The following TLN2 variants were observed in gnomAD, a reference collection of about 807,000 sequenced individuals.
The protein encoded by TLN2 is talin-2.
Under a neutral mutation model 294.7 loss-of-function variants are expected in TLN2, and 118 were observed. The ratio of observed to expected loss-of-function variants is 0.40; its 90% CI spans 0.34 to 0.47. TLN2 has a LOEUF of 0.47. Ranked by LOEUF, TLN2 falls within the 20% of genes least tolerant of loss-of-function variation. The probability of loss-of-function intolerance (pLI) is 0.84; values close to 1 mark genes in which losing one functional copy is unlikely to be tolerated. For missense variants in TLN2, 3,083 were observed against 3,282.2 expected, an observed-to-expected ratio of 0.94 and a Z score of 1.48; for synonymous variants, 1,431 against 1,304.5, an observed-to-expected ratio of 1.10 and a Z score of -2.09.
chr15:62,692,342 G>A (rs781348473), intron 12 of TLN2, among the ~76,000 whole-genome samples: 1 of 152,196 alleles, frequency 6.6e-6, no homozygotes, highest in Non-Finnish European at 1.5e-5. Flanking sequence ...CCATCCACCT[G>A]CCTGGGTTGT....
chr15:62,547,873 T>A (rs886830425), intron 1 of TLN2, among the ~76,000 whole-genome samples: 6 of 148,650 alleles, frequency 4.0e-5, no homozygotes, highest in African/African-American at 1.6e-4. Flanking sequence ...CCTCTGAAAT[T>A]GCTGTCTATC....
At chr15:62,442,922 A>AAGG (rs2035627803) in intron 1 of TLN2, among the ~76,000 whole-genome samples, 1 of 152,030 alleles carries the variant, frequency 6.6e-6, no homozygotes, top group African/African-American at 2.4e-5. Context: ...TTCTTGGCCT[A>AAGG]GTGGTCCTAT....
intron 1 of TLN2, among the ~76,000 whole-genome samples, chr15:62,469,277 A>G (rs2037332075): frequency 6.6e-6 from 1 of 152,202 alleles, no homozygotes; most frequent in Non-Finnish European, 1.5e-5. Context: ...GAGCAGATGC[A>G]TTTTCTGACC....
intron 1 of TLN2, among the ~76,000 whole-genome samples, chr15:62,512,656 A>G (rs939392444): frequency 2.0e-5 from 3 of 152,216 alleles, no homozygotes; most frequent in Non-Finnish European, 4.4e-5. Flanking sequence ...TTTGACAGAC[A>G]TAGAGCCAAC....
At chr15:62,833,742 C>A in intron 55 of TLN2, 113 bp downstream of exon 55, 1 of 1,421,982 alleles carries the variant, frequency 7.0e-7, no homozygotes, top group Non-Finnish European at 9.3e-7. Context: ...GCAGTGCCTT[C>A]CCTCCCTGAA....
chr15:62,592,802 T>C (rs1386464465), intron 2 of TLN2, among the ~76,000 whole-genome samples: 1 of 152,232 alleles, frequency 6.6e-6, no homozygotes, highest in Admixed American at 6.5e-5. Context: ...AACATGATGC[T>C]TTAAAGAGTT....
rs551207386 is a variant in TLN2 at position 62,715,574 on chromosome 15, T to G, written c.2635-757T>G. Among the ~76,000 whole-genome samples the G allele has an allele frequency of 6.6e-5, 10 of 152,230 alleles. No homozygotes were observed. The East Asian group carries it at 1.9e-3, about 29-fold the overall frequency. On this transcript the variant is annotated intron_variant, in intron 22 of 58. Transcript: ENST00000636159. ...CAGAATCCCACCCATCTAAATAAAA[T>G]CCACTTAGATTTCTAAGACATGTTC... is the stretch of plus-strand genomic sequence containing the variant.
At chr15:62,730,831 A>T (rs2060686043) in intron 28 of TLN2, among the ~76,000 whole-genome samples, 1 of 152,152 alleles carries the variant, frequency 6.6e-6, no homozygotes, top group African/African-American at 2.4e-5. Flanking sequence ...TTTGGGTTGC[A>T]AGTGCTCGTT....
chr15:62,761,843 A>G, intron 38 of TLN2, 22 bp downstream of exon 38: 1 of 1,613,922 alleles, frequency 6.2e-7, no homozygotes, highest in African/African-American at 1.3e-5. Context: ...TTACAGGAAC[A>G]TCATACTAAG....
At chr15:62,751,726 A>G (rs2061950611) in intron 34 of TLN2, among the ~76,000 whole-genome samples, 1 of 152,254 alleles carries the variant, frequency 6.6e-6, no homozygotes, top group Non-Finnish European at 1.5e-5. Flanking sequence ...GTGACCTTGT[A>G]CAGGATGCAT....
At chr15:62,518,068 C>A (rs1195399288) in intron 1 of TLN2, among the ~76,000 whole-genome samples, 1 of 151,378 alleles carries the variant, frequency 6.6e-6, no homozygotes, top group East Asian at 1.9e-4. Flanking sequence ...GAGATTGAGT[C>A]TCACTCTGTC....
chr15:62,488,654 A>G lies in TLN2; in HGVS notation c.-238+97969A>G, dbSNP rs561309849. On this transcript the variant is annotated intron_variant, in intron 1 of 58. Transcript: ENST00000636159. ...GTCTTCCAATTCTGTCTGATGAAAC[A>G]TAAACGGAAAGCCTTTATAATGTAA... Among the ~76,000 whole-genome samples, 43 of 152,350 alleles carry G rather than the reference A, an allele frequency of 2.8e-4. No individual in the cohort carries two copies. The South Asian group carries it at 8.1e-3, about 29-fold the overall frequency.
chr15:62,520,815 TA>T (rs1252793495), intron 1 of TLN2, among the ~76,000 whole-genome samples: 1 of 152,230 alleles, frequency 6.6e-6, no homozygotes, highest in East Asian at 1.9e-4. Flanking sequence ...ATTTAAAAAA[TA>T]ATCTCTGAGG....
intron 3 of TLN2, among the ~76,000 whole-genome samples, chr15:62,619,131 G>GT (rs1567201685): frequency 1.3e-5 from 2 of 151,754 alleles, no homozygotes; most frequent in Non-Finnish European, 2.9e-5. Context: ...AGGTTTGTTT[G>GT]TTTTTTCTCA....
chr15:62,441,029 T>C (rs993347201), intron 1 of TLN2, among the ~76,000 whole-genome samples: 5 of 152,194 alleles, frequency 3.3e-5, no homozygotes, highest in Admixed American at 3.3e-4. Flanking sequence ...CATCTCCTGC[T>C]CACTTCACAT....
intron 1 of TLN2, among the ~76,000 whole-genome samples, chr15:62,520,955 A>G (rs1393718171): frequency 6.6e-6 from 1 of 152,208 alleles, no homozygotes; most frequent in Non-Finnish European, 1.5e-5. Context: ...GTTAAATTAG[A>G]CGTGCAAAAA....
intron 1 of TLN2, among the ~76,000 whole-genome samples, chr15:62,501,296 C>G (rs949866446): frequency 3.3e-5 from 5 of 152,146 alleles, no homozygotes; most frequent in Non-Finnish European, 5.9e-5. Context: ...GTTCCTATTT[C>G]TCCTGAGCAG....
At chr15:62,552,438 C>G (rs893496477) in intron 1 of TLN2, among the ~76,000 whole-genome samples, 1 of 152,132 alleles carries the variant, frequency 6.6e-6, no homozygotes, top group Admixed American at 6.5e-5. Flanking sequence ...TTGAGTTGAT[C>G]AATGTGCACA....
chr15:62,825,831 TA>T (rs375553188), intron 54 of TLN2, among the ~76,000 whole-genome samples: 1 of 5,928 alleles, frequency 1.7e-4, no homozygotes, highest in African/African-American at 2.2e-4. Flanking sequence ...TATATTATAA[TA>T]TATAATATAT....
Sources: gnomAD v4.1 joint callset for allele counts (sites outside exome capture counted in the v4.1 genomes callset) on GRCh38, gnomAD v4.1.1 for gene constraint, MANE v1.5 for transcripts, NCBI Gene and HGNC (gene_info 2026-07-23, HGNC 2026-07-21) for gene names.